PLD5: variants seen among roughly 807,000 people sequenced by gnomAD.
PLD5 encodes the protein phospholipase D family member 5, also known as inactive phospholipase D5.
Under a neutral mutation model 61.1 loss-of-function variants are expected in PLD5, and 36 were observed. The ratio of observed to expected loss-of-function variants is 0.59; its 90% CI spans 0.45 to 0.78. The LOEUF (loss-of-function observed/expected upper bound fraction) is 0.78, where lower values mean the gene tolerates loss of function less well. Among genes scored for constraint, PLD5 ranks in the 30% least tolerant of loss-of-function variants. PLD5 has a pLI of 0.00. For missense variants in PLD5, 515 were observed against 644.4 expected, an observed-to-expected ratio of 0.80 and a Z score of 2.17; for synonymous variants, 243 against 242.8, an observed-to-expected ratio of 1.00 and a Z score of -0.01.
At chr1:242,091,943 C>T (rs1645706919) in intron 9 of PLD5, among the ~76,000 whole-genome samples, 1 of 150,936 alleles carries the variant, frequency 6.6e-6, no homozygotes, top group Admixed American at 6.7e-5. Flanking sequence ...TTCTCTGCTT[C>T]AGCCTCCTGA....
In PLD5 at chr1:242,464,382, G is replaced by T. The variant is rs112559116; in HGVS notation, c.189+59706C>A. On this transcript the variant is annotated intron_variant, in intron 1 of 9. Coordinates refer to ENST00000536534, the MANE Select transcript of PLD5 (RefSeq NM_001372062.1). ...TCTCACCCTGCCCAAACTCAACGCT[G>T]ATCATCCCATTCTTCCCTATTTAGC... is the stretch of plus-strand genomic sequence containing the variant. Among the ~76,000 whole-genome samples the T allele has an allele frequency of 2.5e-4, 38 of 152,278 alleles. 1 individual carries two copies. Among genetic ancestry groups the T allele is most frequent in the African/African-American group, 9.1e-4 (38 of 41,564 alleles).
chr1:242,409,065 CA>C (rs376493644), intron 1 of PLD5, among the ~76,000 whole-genome samples: 11 of 138,934 alleles, frequency 7.9e-5, no homozygotes, highest in East Asian at 4.1e-4. Context: ...AGACTCCTCT[CA>C]AAAAAAAAAG....
At chr1:242,214,978 G>A (rs4268342) in intron 5 of PLD5, among the ~76,000 whole-genome samples, 66,455 of 143,382 alleles carry the variant, frequency 0.46, 15,302 homozygotes, top group East Asian at 0.57. Flanking sequence ...CCGGGTTCAC[G>A]CCATTCTCCT....
chr1:242,450,179 C>G (rs1666725611), intron 1 of PLD5, among the ~76,000 whole-genome samples: 1 of 152,194 alleles, frequency 6.6e-6, no homozygotes, highest in African/African-American at 2.4e-5. Flanking sequence ...AGAATTCAAT[C>G]ACACAGCTGG....
intron 5 of PLD5, among the ~76,000 whole-genome samples, chr1:242,130,674 A>T (rs1398685178): frequency 6.6e-6 from 1 of 152,076 alleles, no homozygotes; most frequent in East Asian, 1.9e-4. Context: ...CTGCCTGGCG[A>T]TAGGTTGCTC....
rs1282625568 is a variant in PLD5, at chr1:242,333,116, A to G, written c.326+14990T>C. Among the ~76,000 whole-genome samples the G allele has an allele frequency of 1.3e-5, 2 of 152,142 alleles. 1 individual carries two copies. Among genetic ancestry groups the G allele is most frequent in the Non-Finnish European group, 2.9e-5 (2 of 68,026 alleles). On this transcript the variant is annotated intron_variant, in intron 2 of 9. Transcript: ENST00000536534. ...AAAACATATGGAATGACCACAGCTG[A>G]GCGTGGAAGTTGCTAAAAGAGGGGT...
At chr1:242,267,036 G>T (rs1673720455) in intron 3 of PLD5, among the ~76,000 whole-genome samples, 1 of 152,006 alleles carries the variant, frequency 6.6e-6, no homozygotes, top group Non-Finnish European at 1.5e-5. Context: ...AGAATCACTG[G>T]AACCTGGGAG....
At chr1:242,162,889 T>C (rs568875572) in intron 5 of PLD5, among the ~76,000 whole-genome samples, 1 of 152,196 alleles carries the variant, frequency 6.6e-6, no homozygotes, top group Non-Finnish European at 1.5e-5. Context: ...GGCAGCAGAA[T>C]ATTCTCTAAC....
chr1:242,163,274 G>C (rs913385188), intron 5 of PLD5, among the ~76,000 whole-genome samples: 28 of 151,844 alleles, frequency 1.8e-4, no homozygotes, highest in Non-Finnish European at 3.8e-4. Context: ...CTCCCGAGTA[G>C]CTGGGACTAC....
At chr1:242,105,064 G>T (rs1660939295) in intron 8 of PLD5, among the ~76,000 whole-genome samples, 1 of 152,178 alleles carries the variant, frequency 6.6e-6, no homozygotes. Flanking sequence ...TGGTATTGTA[G>T]GGTGGAGAGA....
chr1:242,374,339 C>A (rs1409154932), intron 1 of PLD5, among the ~76,000 whole-genome samples: 1 of 152,168 alleles, frequency 6.6e-6, no homozygotes, highest in African/African-American at 2.4e-5. Flanking sequence ...GGGAGAAATG[C>A]TTTTTCAGTT....
At chr1:242,191,879 T>C (rs1009603644) in intron 5 of PLD5, among the ~76,000 whole-genome samples, 13 of 151,962 alleles carry the variant, frequency 8.6e-5, no homozygotes, top group African/African-American at 1.2e-4. Context: ...TGTGAGGTCT[T>C]GGGTGATAGA....
intron 1 of PLD5, among the ~76,000 whole-genome samples, chr1:242,366,104 T>C (rs1325805642): frequency 6.6e-6 from 1 of 152,214 alleles, no homozygotes; most frequent in African/African-American, 2.4e-5. Context: ...CAGCATTATA[T>C]TGATACAAGA....
intron 1 of PLD5, among the ~76,000 whole-genome samples, chr1:242,392,279 A>G (rs1662977823): frequency 6.6e-6 from 1 of 152,298 alleles, no homozygotes; most frequent in South Asian, 2.1e-4. Context: ...GAGAGAGGGC[A>G]AGAGTTGAAA....
intron 1 of PLD5, among the ~76,000 whole-genome samples, chr1:242,348,600 A>G (rs1487449798): frequency 6.6e-6 from 1 of 152,220 alleles, no homozygotes; most frequent in Non-Finnish European, 1.5e-5. Context: ...TCATGCTGTC[A>G]ATAAAAACAG....
At chr1:242,179,191 A>G (rs141929480) in intron 5 of PLD5, among the ~76,000 whole-genome samples, 146 of 150,688 alleles carry the variant, frequency 9.7e-4, no homozygotes, top group East Asian at 8.6e-3. Context: ...TGTGCCCCCA[A>G]TCAAAACATT....
intron 1 of PLD5, among the ~76,000 whole-genome samples, chr1:242,516,983 G>A (rs1669124302): frequency 6.6e-6 from 1 of 151,954 alleles, no homozygotes. Context: ...CATGTAAATA[G>A]TAATGTTTTT....
At chr1:242,289,717 A>G (rs1161616006) in intron 2 of PLD5, among the ~76,000 whole-genome samples, 1 of 152,228 alleles carries the variant, frequency 6.6e-6, no homozygotes, top group Non-Finnish European at 1.5e-5. Context: ...TGCTTCCAGA[A>G]CACCGATTTG....
intron 1 of PLD5, among the ~76,000 whole-genome samples, chr1:242,494,041 T>A (rs969273624): frequency 6.6e-6 from 1 of 151,460 alleles, no homozygotes; most frequent in Admixed American, 6.6e-5. Flanking sequence ...TGCCTTTGCA[T>A]TGGTATGCTT....
Sources: gnomAD v4.1 joint callset for allele counts (sites outside exome capture counted in the v4.1 genomes callset) on GRCh38, gnomAD v4.1.1 for gene constraint, MANE v1.5 for transcripts, NCBI Gene and HGNC (gene_info 2026-07-23, HGNC 2026-07-21) for gene names.